Variants in PRKCZ observed in about 807,000 individuals in gnomAD.
The protein encoded by PRKCZ is protein kinase C zeta type.
PRKCZ carries 33 observed loss-of-function variants against 79.5 expected under a neutral mutation model. That is an observed-to-expected ratio of 0.41 (90% CI 0.31 to 0.55). The LOEUF is 0.55. PRKCZ is among the 20% of genes least tolerant of loss of function. PRKCZ has a pLI of 0.19. For missense variants in PRKCZ, 578 were observed against 813.5 expected (o/e 0.71, Z 3.52); for synonymous variants, 342 against 320.9 (o/e 1.07, Z -0.70).
intron 4 of PRKCZ, among the ~76,000 whole-genome samples, chr1:2,081,046 C>T (rs530851565): frequency 1.8e-4 from 28 of 152,274 alleles, no homozygotes; most frequent in African/African-American, 5.5e-4. Flanking sequence ...GTGTGTTTGT[C>T]GGCTCACACC....
At chr1:2,049,455 G>A (rs1384328744), upstream of PRKCZ, 1 of 152,498 alleles carries the variant, frequency 6.6e-6, no homozygotes, top group African/African-American at 2.4e-5. Context: ...CATCAAGGAG[G>A]CGCCAGGCAC....
intron 10 of PRKCZ, chr1:2,156,620 G>C (rs939807667): frequency 1.9e-5 from 3 of 160,714 alleles, no homozygotes; most frequent in Admixed American, 1.2e-4. Context: ...TTGGCTAGGA[G>C]GACTGCTGGG....
chr1:2,113,739 T>C (rs1670201078), intron 4 of PRKCZ, among the ~76,000 whole-genome samples: 1 of 151,874 alleles, frequency 6.6e-6, no homozygotes, highest in Non-Finnish European at 1.5e-5. Flanking sequence ...GGGTGAGAGT[T>C]GGGGCACAGA....
chr1:2,069,459 T>G (rs1258411296), intron 4 of PRKCZ, among the ~76,000 whole-genome samples: 1 of 152,188 alleles, frequency 6.6e-6, no homozygotes, highest in Non-Finnish European at 1.5e-5. Flanking sequence ...GCAAACGACC[T>G]GTTTAGTGGT....
Position 2,173,701 on chromosome 1 carries a change from G to A in PRKCZ, c.1286-196G>A, listed in dbSNP as rs371472548. Among the ~76,000 whole-genome samples, 124 of 152,318 alleles carry A rather than the reference G, an allele frequency of 8.1e-4. 1 individual carries two copies. The highest frequency in any genetic ancestry group is 3.0e-3 in the African/African-American group (123 of 41,576). ...GGGAGACCTCCGTAGTGTCAGGGAC[G>A]GTGGCAGGGAGGCCGAGCTGCCAGG... On this transcript the variant is annotated intron_variant, in intron 13 of 17. Coordinates refer to ENST00000378567, the MANE Select transcript of PRKCZ (RefSeq NM_002744.6). This position sits in a 1 kb window ranked among gnomAD's most constrained non-coding sequence, Gnocchi z 5.7.
chr1:2,171,998 C>T, intron 11 of PRKCZ, 57 bp from the exon 12 acceptor site: 1 of 1,535,830 alleles, frequency 6.5e-7, no homozygotes, highest in Non-Finnish European at 8.7e-7. Context: ...CAGGCTGGAG[C>T]TGTTGGCGCA....
At chr1:2,103,895 G>A (rs1234067967) in intron 4 of PRKCZ, among the ~76,000 whole-genome samples, 5 of 152,190 alleles carry the variant, frequency 3.3e-5, no homozygotes, top group Non-Finnish European at 5.9e-5. Flanking sequence ...ACGCGCCCCC[G>A]TTTAAACACC....
chr1:2,130,437 C>T (rs1180152699), intron 4 of PRKCZ, among the ~76,000 whole-genome samples: 6 of 152,114 alleles, frequency 3.9e-5, no homozygotes, highest in Non-Finnish European at 5.9e-5. Context: ...GCTGGGAGGG[C>T]GAGGAAAATG....
At chr1:2,055,322 T>C in intron 1 of PRKCZ, 119 bp from the exon 2 acceptor site, 2 of 1,273,338 alleles carry the variant, frequency 1.6e-6, no homozygotes, top group Non-Finnish European at 2.1e-6. Context: ...GGGGCTGTCA[T>C]ATTGTCTTTG....
intron 4 of PRKCZ, among the ~76,000 whole-genome samples, chr1:2,105,855 A>T (rs1668306301): frequency 6.6e-6 from 1 of 152,348 alleles, no homozygotes; most frequent in Non-Finnish European, 1.5e-5. Context: ...CATAGTTGTC[A>T]TCGTCGGATG....
chr1:2,057,004 A>G (rs1211195877), intron 3 of PRKCZ, among the ~76,000 whole-genome samples: 1 of 152,224 alleles, frequency 6.6e-6, no homozygotes, highest in African/African-American at 2.4e-5. Flanking sequence ...CTGGGATTAC[A>G]GATGTGAGCC....
In PRKCZ at chr1:2,125,484, G is replaced by A. The variant is rs999483713; in HGVS notation, c.335-9778G>A. Reference sequence around the variant, plus strand: ...GACGGTGGGGCGGAGGACATCCTGGGGGGCCTGGCTTCTTGGGAACTGGAG... The same window carrying A: ...GACGGTGGGGCGGAGGACATCCTGGAGGGCCTGGCTTCTTGGGAACTGGAG... On this transcript the variant is annotated intron_variant, in intron 4 of 17. Coordinates refer to ENST00000378567, the MANE Select transcript of PRKCZ (RefSeq NM_002744.6). This position sits in a 1 kb window ranked among gnomAD's most constrained non-coding sequence, Gnocchi z 4.2. Among the ~76,000 whole-genome samples, 9 of 152,174 alleles carry A rather than the reference G, an allele frequency of 5.9e-5. No homozygotes were observed. The highest frequency in any genetic ancestry group is 2.2e-4 in the African/African-American group (9 of 41,452).
At chr1:2,134,540 G>GAGGAAGGACAAGA (rs1675765829) in intron 4 of PRKCZ, among the ~76,000 whole-genome samples, 1 of 152,202 alleles carries the variant, frequency 6.6e-6, no homozygotes, top group African/African-American at 2.4e-5. Context: ...CAGGCTTGGT[G>GAGGAAGGACAAGA]CCGCCTTTCT....
At position 2,121,667 on chromosome 1, in the gene PRKCZ, CGTGGTGGTGG is replaced by C. The variant is rs1672025375; in HGVS notation, c.335-13594_335-13585del. 1.8e-5 allele frequency among the ~76,000 whole-genome samples: 2 copies of C among 109,606 alleles called. 1 individual carries two copies. Among genetic ancestry groups the C allele is most frequent in the African/African-American group, 7.9e-5 (2 of 25,250 alleles). 71.9% of individuals were successfully genotyped at this position (109,606 alleles called of 152,430 possible). ...TTAGGGTCACGGTGGTGGTTAGGGT[CGTGGTGGTGG>C]TTAGGGTCACGGTGGTGGTTAGGGT... On this transcript the variant is annotated intron_variant, in intron 4 of 17. Transcript: ENST00000378567.
intron 4 of PRKCZ, among the ~76,000 whole-genome samples, chr1:2,060,793 C>T (rs1183460970): frequency 2.0e-5 from 3 of 152,110 alleles, no homozygotes; most frequent in Admixed American, 1.3e-4. Flanking sequence ...GTTTTGGCAG[C>T]GCAGGGCGAG....
rs772813317 is a variant in PRKCZ, at chr1:2,172,220, A to G, written c.1197+30A>G. Reference sequence around the variant, plus strand: ...GTGCCTTGGACCGCCTCCCCTGACCATCCCGCATGTGCGTCTCGGGGCGCC... The same window carrying G: ...GTGCCTTGGACCGCCTCCCCTGACCGTCCCGCATGTGCGTCTCGGGGCGCC... On this transcript the variant is annotated intron_variant, in intron 12 of 17. Coordinates refer to ENST00000378567, the MANE Select transcript of PRKCZ (RefSeq NM_002744.6). This position sits in a 1 kb window ranked among gnomAD's most constrained non-coding sequence, Gnocchi z 7.8. The G allele has an allele frequency of 1.2e-6, 2 of 1,613,142 alleles. No individual in the cohort carries two copies. Among genetic ancestry groups the G allele is most frequent in the Middle Eastern group, 1.6e-4 (1 of 6,062 alleles).
At chr1:2,129,231 C>G (rs1045466759) in intron 4 of PRKCZ, among the ~76,000 whole-genome samples, 1 of 152,110 alleles carries the variant, frequency 6.6e-6, no homozygotes, top group South Asian at 2.1e-4. Context: ...CAGAATCCCC[C>G]GAAAAGGTGG....
chr1:2,117,770 G>A (rs898227898), intron 4 of PRKCZ, among the ~76,000 whole-genome samples: 1 of 152,070 alleles, frequency 6.6e-6, no homozygotes, highest in Non-Finnish European at 1.5e-5. Context: ...AATTTTTTCA[G>A]ATGCTTTTTT....
intron 4 of PRKCZ, chr1:2,104,929 C>T (rs1668118847): frequency 1.0e-6 from 1 of 985,382 alleles, no homozygotes; most frequent in African/African-American, 1.7e-5. Context: ...CCTCATTACA[C>T]AGCACCCAGG....
Sources: allele counts gnomAD v4.1 joint callset (sites outside exome capture counted in the v4.1 genomes callset), GRCh38; gene constraint gnomAD v4.1.1; non-coding constraint Gnocchi (gnomAD v3.1); transcripts MANE v1.5; gene names NCBI Gene and HGNC (gene_info 2026-07-23, HGNC 2026-07-21).